NOS1AP: variants seen among roughly 807,000 people sequenced by gnomAD.
NOS1AP encodes the protein carboxyl-terminal PDZ ligand of neuronal nitric oxide synthase protein.
Under a neutral mutation model 56.2 loss-of-function variants are expected in NOS1AP, and 21 were observed. The observed-to-expected ratio is 0.37, with a 90% CI of 0.26 to 0.54. The LOEUF (loss-of-function observed/expected upper bound fraction) is 0.54. Ranked by LOEUF, NOS1AP falls within the 20% of genes least tolerant of loss-of-function variation. The pLI, the probability that NOS1AP is intolerant of heterozygous loss-of-function variation, is 0.84. For synonymous variants in NOS1AP, 270 were observed against 274.6 expected (o/e 0.98, Z 0.17); for missense variants, 522 against 657.8 (o/e 0.79, Z 2.26).
rs1459994982 is a variant in NOS1AP at position 162,188,706 on chromosome 1, A to T, written c.177+34230A>T. Among the ~76,000 whole-genome samples, 4 of 152,238 alleles carry T rather than the reference A, an allele frequency of 2.6e-5. No individual in the cohort carries two copies. The highest frequency in any genetic ancestry group is 4.4e-5 in the Non-Finnish European group (3 of 68,048). On this transcript the variant is annotated intron_variant, in intron 2 of 9. Coordinates refer to ENST00000361897, the MANE Select transcript of NOS1AP (RefSeq NM_014697.3). The surrounding 1 kb of genome is among the most constrained non-coding windows in gnomAD (Gnocchi z 4.0). ...GAAGTGCAGTGAGTTTTGTTGAATG[A>T]TAACAGTGTAATAAATGTCTCTATT...
At chr1:162,206,184 A>G (rs1652157518) in intron 2 of NOS1AP, among the ~76,000 whole-genome samples, 1 of 152,204 alleles carries the variant, frequency 6.6e-6, no homozygotes, top group Non-Finnish European at 1.5e-5. Flanking sequence ...CTGAAATAGC[A>G]TAAAGGGATT....
At chr1:162,250,161 T>G (rs528979800) in intron 2 of NOS1AP, among the ~76,000 whole-genome samples, 1 of 152,282 alleles carries the variant, frequency 6.6e-6, no homozygotes, top group Non-Finnish European at 1.5e-5. Context: ...GAAAGGTTCC[T>G]CCCAGCTTCT....
intron 3 of NOS1AP, among the ~76,000 whole-genome samples, chr1:162,293,240 G>A (rs1379406169): frequency 6.9e-6 from 1 of 145,640 alleles, no homozygotes; most frequent in African/African-American, 2.4e-5. Context: ...TTTTTTTTGA[G>A]TCACCGCTGC....
At chr1:162,262,935 A>G (rs540632930) in intron 2 of NOS1AP, among the ~76,000 whole-genome samples, 2 of 152,278 alleles carry the variant, frequency 1.3e-5, no homozygotes, top group East Asian at 3.9e-4. Context: ...CACCTTTCTC[A>G]TCTTAAACTG....
intron 4 of NOS1AP, among the ~76,000 whole-genome samples, chr1:162,304,852 A>G (rs1413774096): frequency 6.8e-6 from 1 of 147,720 alleles, no homozygotes; most frequent in East Asian, 1.9e-4. Flanking sequence ...CCATTTTATC[A>G]TGAACAAGGT....
At chr1:162,321,731 A>AAAATATATATATATAT (rs1480278757) in intron 4 of NOS1AP, among the ~76,000 whole-genome samples, 2 of 128,488 alleles carry the variant, frequency 1.6e-5, no homozygotes, top group African/African-American at 5.8e-5. Flanking sequence ...AAAAAAAAAA[A>AAAATATATATATATAT]ATATATATAT....
intron 1 of NOS1AP, among the ~76,000 whole-genome samples, chr1:162,109,305 A>G (rs1647625687): frequency 6.6e-6 from 1 of 152,230 alleles, no homozygotes; most frequent in South Asian, 2.1e-4. Context: ...TTTTGAGACA[A>G]CCAGGGAGAA....
rs191292892 is a variant in NOS1AP at position 162,092,935 on chromosome 1, G to A, written c.105+22653G>A. Among the ~76,000 whole-genome samples, 701 of 152,206 alleles carry A rather than the reference G, an allele frequency of 4.6e-3. 6 individuals are homozygous for A. Among genetic ancestry groups the A allele is most frequent in the African/African-American group, 0.016 (653 of 41,530 alleles). Reference sequence around the variant, plus strand: ...TGGCTGCTTCTTTTATTCTCATCTTGTACCTCCTTTACTCCTATCCTCTAT... The same window carrying A: ...TGGCTGCTTCTTTTATTCTCATCTTATACCTCCTTTACTCCTATCCTCTAT... On this transcript the variant is annotated intron_variant, in intron 1 of 9. Transcript: ENST00000361897.
At chr1:162,175,498 T>A (rs923929066) in intron 2 of NOS1AP, among the ~76,000 whole-genome samples, 1 of 152,208 alleles carries the variant, frequency 6.6e-6, no homozygotes. Flanking sequence ...ACGTTTTAAC[T>A]TTCTGGCACT....
chr1:162,124,502 TGTGTG>T (rs1160723888), intron 1 of NOS1AP, among the ~76,000 whole-genome samples: 2,984 of 5,804 alleles, frequency 0.51, 103 homozygotes, highest in African/African-American at 0.52. Flanking sequence ...TGTGTGTGTG[TGTGTG>T]ACACACACAC....
At chr1:162,082,102 T>G (rs1288030100) in intron 1 of NOS1AP, among the ~76,000 whole-genome samples, 1 of 152,004 alleles carries the variant, frequency 6.6e-6, no homozygotes, top group Non-Finnish European at 1.5e-5. Flanking sequence ...CTCTACCCTC[T>G]GAAAGGCCGC....
chr1:162,226,804 C>A lies in NOS1AP; in HGVS notation c.178-60540C>A, dbSNP rs992428753. The stretch of plus-strand genomic sequence containing the variant: ...AAATATCCCCATTAGCACTTTGTGT[C>A]TTTGTAAGCTAGCTTTGCCTTCAGG... On this transcript the variant is annotated intron_variant, in intron 2 of 9. Coordinates refer to ENST00000361897, the MANE Select transcript of NOS1AP (RefSeq NM_014697.3). Among the ~76,000 whole-genome samples, 8 of 152,308 alleles carry A rather than the reference C, an allele frequency of 5.3e-5. No individual in the cohort carries two copies. The East Asian group carries it at 1.5e-3, about 29-fold the overall frequency.
At chr1:162,205,277 A>G (rs548228844) in intron 2 of NOS1AP, among the ~76,000 whole-genome samples, 2 of 152,234 alleles carry the variant, frequency 1.3e-5, no homozygotes, top group South Asian at 4.1e-4. Context: ...TCTCAGGTTC[A>G]GGATCAGTTT....
rs571422634 is a variant in NOS1AP, at chr1:162,221,106, A to C, written c.178-66238A>C. On this transcript the variant is annotated intron_variant, in intron 2 of 9. Transcript: ENST00000361897. ...GCAGGCATGGACCACCATGCCCATT[A>C]ATTTTTGTATTTTTAGTAGAGACGG... Among the ~76,000 whole-genome samples the C allele has an allele frequency of 1.9e-4, 29 of 151,998 alleles. No homozygotes were observed. The South Asian group carries it at 5.8e-3, about 31-fold the overall frequency.
At chr1:162,132,944 C>T (rs1648815291) in intron 1 of NOS1AP, among the ~76,000 whole-genome samples, 1 of 152,204 alleles carries the variant, frequency 6.6e-6, no homozygotes, top group Admixed American at 6.5e-5. Flanking sequence ...TCTGTCAGAG[C>T]TATACACTTA....
At chr1:162,167,690 A>G (rs1479329057) in intron 2 of NOS1AP, among the ~76,000 whole-genome samples, 1 of 152,230 alleles carries the variant, frequency 6.6e-6, no homozygotes, top group Non-Finnish European at 1.5e-5. Context: ...CCGAGCCGCT[A>G]AGACATAGTC....
At chr1:162,116,801 T>C (rs561881269) in intron 1 of NOS1AP, among the ~76,000 whole-genome samples, 2 of 152,312 alleles carry the variant, frequency 1.3e-5, no homozygotes, top group Admixed American at 1.3e-4. Context: ...GTGCACGTTA[T>C]GAAGAGAACT....
intron 2 of NOS1AP, among the ~76,000 whole-genome samples, chr1:162,203,628 C>G (rs182856326): frequency 1.3e-5 from 2 of 152,164 alleles, no homozygotes; most frequent in Non-Finnish European, 2.9e-5. Context: ...TTGACTTTGC[C>G]TCTGCTGTCT....
chr1:162,155,259 TATATATAC>T (rs1246981984), intron 2 of NOS1AP, among the ~76,000 whole-genome samples: 5 of 146,534 alleles, frequency 3.4e-5, no homozygotes, highest in Non-Finnish European at 7.5e-5. Context: ...CACATACATA[TATATATAC>T]ACATACATAT....
Sources: gnomAD v4.1 joint callset for allele counts (sites outside exome capture counted in the v4.1 genomes callset) on GRCh38, gnomAD v4.1.1 for gene constraint, Gnocchi (gnomAD v3.1) non-coding constraint, MANE v1.5 for transcripts, NCBI Gene and HGNC (gene_info 2026-07-23, HGNC 2026-07-21) for gene names.